The following CELF2 variants were observed in gnomAD, a reference collection of about 807,000 sequenced individuals.
CELF2 encodes CUG triplet repeat RNA-binding protein 2.
Under a neutral mutation model 62.6 loss-of-function variants are expected in CELF2, and 8 were observed. The ratio of observed to expected loss-of-function variants is 0.13; its 90% CI spans 0.07 to 0.23. CELF2 has a LOEUF of 0.23. Among genes scored for constraint, CELF2 ranks in the 10% least tolerant of loss-of-function variants. The pLI, the probability that CELF2 is intolerant of heterozygous loss-of-function variation, is 1.00. For missense variants in CELF2, 333 were observed against 671.0 expected (o/e 0.50, Z 5.56); for synonymous variants, 258 against 250.0 (o/e 1.03, Z -0.30).
In CELF2 at chr10:10,995,759, A is replaced by T. The variant is rs776002978; in HGVS notation, c.89+75760A>T. On this transcript the variant is annotated intron_variant, in intron 2 of 13. Transcript: ENST00000636488. This position sits in a 1 kb window ranked among gnomAD's most constrained non-coding sequence, Gnocchi z 4.7. ...GAGACTAGGGACAGGGAGATTCCTTATGAGGTCTGATGGCCTCAACTAACG... is the reference window on the plus strand; with the variant it reads ...GAGACTAGGGACAGGGAGATTCCTTTTGAGGTCTGATGGCCTCAACTAACG... Among the ~76,000 whole-genome samples the T allele has an allele frequency of 6.6e-6, 1 of 152,212 alleles. No homozygotes were observed. Among genetic ancestry groups the T allele is most frequent in the Non-Finnish European group, 1.5e-5 (1 of 68,022 alleles).
At position 10,815,893 on chromosome 10, in the gene CELF2, G is replaced by A. The variant is rs113378220; in HGVS notation, c.53+17076G>A. 4.5e-3 allele frequency among the ~76,000 whole-genome samples: 597 copies of A among 131,518 alleles called. 4 individuals are homozygous for A. Among genetic ancestry groups the A allele is most frequent in the Middle Eastern group, 0.022 (6 of 272 alleles). The allele number at this position is 131,518 out of a possible 152,430, so 86.3% of individuals were successfully genotyped here. The stretch of plus-strand genomic sequence containing the variant: ...CCTTGACTCTATATTTCATAGCTTG[G>A]GGTTTGGGTTGTTTTTTTTTTTTTT... On this transcript the variant is annotated intron_variant, in intron 1 of 13. Coordinates refer to the CELF2 transcript ENST00000636488.
intron 1 of CELF2, among the ~76,000 whole-genome samples, chr10:11,105,964 A>T (rs1392826407): frequency 1.3e-5 from 2 of 152,240 alleles, no homozygotes; most frequent in African/African-American, 2.4e-5. Flanking sequence ...TTGTAATGAG[A>T]ACAAAAAATC....
Position 10,990,898 on chromosome 10 carries a change from T to C in CELF2, c.89+70899T>C, listed in dbSNP as rs2053351159. On this transcript the variant is annotated intron_variant, in intron 2 of 13. Transcript: ENST00000636488. This position sits in a 1 kb window ranked among gnomAD's most constrained non-coding sequence, Gnocchi z 4.6. ...AATAATTTTGCAGGCATTTTGGCAT[T>C]GAGTCTTCATTTAAAGAATGAAAAT... Among the ~76,000 whole-genome samples the C allele has an allele frequency of 6.6e-6, 1 of 152,158 alleles. No individual in the cohort carries two copies. The highest frequency in any genetic ancestry group is 6.6e-5 in the Admixed American group (1 of 15,260).
the CELF2 span, among the ~76,000 whole-genome samples, chr10:10,523,699 T>C: frequency 1.3e-5 from 2 of 152,176 alleles, no homozygotes; most frequent in Non-Finnish European, 2.9e-5. Flanking sequence ...GAACACATTT[T>C]CCATTACAAC....
Position 11,316,048 on chromosome 10 carries a change from G to A in CELF2, c.1096+1790G>A, listed in dbSNP as rs1248234248. On this transcript the variant is annotated intron_variant, in intron 10 of 12. Transcript: ENST00000633077. This position sits in a 1 kb window ranked among gnomAD's most constrained non-coding sequence, Gnocchi z 4.4. ...CGCCCTGTCCACGCTGCTCTGCTCTGCATTGCTGAGATTTTCCCATCGTTC... is the reference window on the plus strand; with the variant it reads ...CGCCCTGTCCACGCTGCTCTGCTCTACATTGCTGAGATTTTCCCATCGTTC... Among the ~76,000 whole-genome samples the A allele has an allele frequency of 6.6e-6, 1 of 152,220 alleles. No individual in the cohort carries two copies. The highest frequency in any genetic ancestry group is 1.5e-5 in the Non-Finnish European group (1 of 68,044).
At chr10:10,485,653 T>C in the CELF2 span, among the ~76,000 whole-genome samples, 1 of 152,226 alleles carries the variant, frequency 6.6e-6, no homozygotes, top group Admixed American at 6.5e-5. Context: ...ATCTACCTCA[T>C]GAGATGTTAT....
chr10:10,741,492 C>CAAAAAAA, the CELF2 span, among the ~76,000 whole-genome samples: 3 of 57,330 alleles, frequency 5.2e-5, no homozygotes, highest in Non-Finnish European at 9.0e-5. Flanking sequence ...GACTCCGTCT[C>CAAAAAAA]AAAAAAAAAA....
intron 2 of CELF2, among the ~76,000 whole-genome samples, chr10:10,924,318 A>G (rs2065237530): frequency 6.6e-6 from 1 of 150,904 alleles, no homozygotes; most frequent in Non-Finnish European, 1.5e-5. Context: ...AAAGATATAA[A>G]CACAGTTTAT....
chr10:11,131,254 C>T (rs970263500), intron 1 of CELF2, among the ~76,000 whole-genome samples: 1 of 152,094 alleles, frequency 6.6e-6, no homozygotes, highest in Non-Finnish European at 1.5e-5. Context: ...TACAGGAAAC[C>T]AGCTGTCATG....
intron 1 of CELF2, among the ~76,000 whole-genome samples, chr10:11,027,287 G>A (rs181869050): frequency 3.8e-4 from 58 of 152,256 alleles, no homozygotes; most frequent in African/African-American, 1.1e-3. Context: ...ATGTTTTCCT[G>A]TCTGCTCGTT....
chr10:10,614,654 G>GTTGA, the CELF2 span, among the ~76,000 whole-genome samples: 19 of 152,126 alleles, frequency 1.2e-4, 1 homozygote, highest in African/African-American at 4.4e-4. Context: ...TGCTAGGCCT[G>GTTGA]TTGACAGGGA....
Position 11,290,552 on chromosome 10 carries a change from C to CA in CELF2, c.976+2001dup, listed in dbSNP as rs1289803867. Among the ~76,000 whole-genome samples the CA allele has an allele frequency of 6.6e-6, 1 of 151,462 alleles. No homozygotes were observed. The highest frequency in any genetic ancestry group is 6.6e-5 in the Admixed American group (1 of 15,194). On this transcript the variant is annotated intron_variant, in intron 9 of 12. Transcript: ENST00000633077. The surrounding 1 kb of genome is among the most constrained non-coding windows in gnomAD (Gnocchi z 4.3). ...AAAAAAAAAAAAAATGTGGGCCACT[C>CA]AGACGGTCTAGGGCGACGGCCTAGG...
chr10:11,298,820 A>T (rs746794826), intron 9 of CELF2, among the ~76,000 whole-genome samples: 21 of 152,110 alleles, frequency 1.4e-4, no homozygotes, highest in Admixed American at 6.6e-4. Flanking sequence ...ACAGCTCTGG[A>T]GAACAGAAGA....
the CELF2 span, among the ~76,000 whole-genome samples, chr10:10,752,046 T>A: frequency 6.6e-6 from 1 of 152,132 alleles, no homozygotes; most frequent in Non-Finnish European, 1.5e-5. Flanking sequence ...GAAGGGGAAG[T>A]TTTACCTAAT....
chr10:10,872,135 GTATT>G (rs1405682536), intron 1 of CELF2, among the ~76,000 whole-genome samples: 1 of 152,052 alleles, frequency 6.6e-6, no homozygotes, highest in African/African-American at 2.4e-5. Flanking sequence ...CCCCATGTGG[GTATT>G]TGCAAACTAT....
rs1000589429 is a variant in CELF2, at chr10:11,269,168, T to C, written c.619-1498T>C. ...TGTTGCTCTCTTTTAAGTGAAGTACTGAAACATGGAACAGATACAGAAAAA... is the reference window on the plus strand; with the variant it reads ...TGTTGCTCTCTTTTAAGTGAAGTACCGAAACATGGAACAGATACAGAAAAA... On this transcript the variant is annotated intron_variant, in intron 6 of 12. Coordinates refer to ENST00000633077, the MANE Select transcript of CELF2 (RefSeq NM_001326342.2). This position sits in a 1 kb window ranked among gnomAD's most constrained non-coding sequence, Gnocchi z 4.4. Among the ~76,000 whole-genome samples the C allele has an allele frequency of 6.6e-6, 1 of 152,188 alleles. No individual in the cohort carries two copies. Among genetic ancestry groups the C allele is most frequent in the Admixed American group, 6.5e-5 (1 of 15,276 alleles).
In CELF2 at chr10:10,803,135, A is replaced by C. The variant is rs537848819; in HGVS notation, c.53+4318A>C. On this transcript the variant is annotated intron_variant, in intron 1 of 13. Coordinates refer to the CELF2 transcript ENST00000636488. The stretch of plus-strand genomic sequence containing the variant: ...ATTGATAACATCTCATTTTGCTAAG[A>C]ATGCTACCTCCTAACAAGACTCCCT... Among the ~76,000 whole-genome samples, 6 of 152,292 alleles carry C rather than the reference A, an allele frequency of 3.9e-5. No homozygotes were observed. In the South Asian group the frequency reaches 1.2e-3, roughly 32 times the overall value.
At chr10:11,131,382 C>T (rs1335554344) in intron 1 of CELF2, among the ~76,000 whole-genome samples, 3 of 152,190 alleles carry the variant, frequency 2.0e-5, no homozygotes, top group Non-Finnish European at 2.9e-5. Flanking sequence ...TGTAGGACTT[C>T]CGCCCAATGG....
At chr10:10,516,539 A>G in the CELF2 span, among the ~76,000 whole-genome samples, 1 of 152,156 alleles carries the variant, frequency 6.6e-6, no homozygotes, top group Admixed American at 6.5e-5. Context: ...TCAATTCGGC[A>G]GCACAGATAA....
Sources: allele counts gnomAD v4.1 joint callset (sites outside exome capture counted in the v4.1 genomes callset), GRCh38; gene constraint gnomAD v4.1.1; non-coding constraint Gnocchi (gnomAD v3.1); transcripts MANE v1.5; gene names NCBI Gene and HGNC (gene_info 2026-07-23, HGNC 2026-07-21).